MYOF: variants seen among roughly 807,000 people sequenced by gnomAD.
The protein encoded by MYOF is myoferlin, also known as fer-1-like 3, myoferlin.
MYOF carries 244 observed loss-of-function variants against 284.2 expected under a neutral mutation model. That is an observed-to-expected ratio of 0.86 (90% CI 0.77 to 0.95). The LOEUF is 0.95. MYOF is among the 40% of genes least tolerant of loss of function. MYOF has a pLI of 0.00. For missense variants in MYOF, 2,496 were observed against 2,560.6 expected, an observed-to-expected ratio of 0.97 and a Z score of 0.54; for synonymous variants, 904 against 919.7, an observed-to-expected ratio of 0.98 and a Z score of 0.31.
chr10:93,387,827 G>A lies in MYOF; in HGVS notation c.1668C>T (p.Pro556=). 1 of 1,614,008 alleles carries A rather than the reference G, an allele frequency of 6.2e-7. No individual in the cohort carries two copies. Among genetic ancestry groups the A allele is most frequent in the Non-Finnish European group, 8.5e-7 (1 of 1,179,972 alleles). The change falls in exon 19 of 54, where the codon CCC becomes CCT. Residue 556 remains proline (P), a synonymous_variant. Transcript: ENST00000359263. ...CAACCAGCAGGTCATCATTTGAAAT[G>A]GGCTCAAGCTTTTTATCTGGTGGTG... ...EKTPPDKKLE[P]ISNDDLLVVE...
chr10:93,432,218 T>C (rs1191890696), intron 3 of MYOF, among the ~76,000 whole-genome samples: 2 of 151,832 alleles, frequency 1.3e-5, no homozygotes, highest in East Asian at 3.9e-4. Context: ...TGAGACCCCA[T>C]CTCTACAAAA....
At chr10:93,308,864 A>AC (rs1443539529) in intron 53 of MYOF, among the ~76,000 whole-genome samples, 2 of 152,012 alleles carry the variant, frequency 1.3e-5, no homozygotes, top group Non-Finnish European at 2.9e-5. Context: ...GGCATGTGCC[A>AC]CCACACCCAA....
chr10:93,469,896 A>G (rs1393087411), intron 1 of MYOF, among the ~76,000 whole-genome samples: 1 of 152,132 alleles, frequency 6.6e-6, no homozygotes, highest in African/African-American at 2.4e-5. Context: ...TCAAGTGAGG[A>G]CTTCTTTCTT....
chr10:93,401,376 A>G (rs779201455), intron 12 of MYOF, 42 bp downstream of exon 12: 2 of 1,606,112 alleles, frequency 1.2e-6, no homozygotes, highest in Admixed American at 3.4e-5. Flanking sequence ...TTCATCACAC[A>G]CATAATCAAC....
chr10:93,413,227 C>T (rs1406846645), intron 5 of MYOF, among the ~76,000 whole-genome samples: 1 of 152,284 alleles, frequency 6.6e-6, no homozygotes, highest in East Asian at 1.9e-4. Context: ...TAACAAAGAA[C>T]GTCTTCTGCT....
At chr10:93,376,835 C>T (rs1845860375) in intron 22 of MYOF, among the ~76,000 whole-genome samples, 1 of 152,162 alleles carries the variant, frequency 6.6e-6, no homozygotes, top group Non-Finnish European at 1.5e-5. Flanking sequence ...GAGGCTTGGC[C>T]ACAGTGTTCA....
intron 40 of MYOF, among the ~76,000 whole-genome samples, chr10:93,336,845 AAAAG>A: frequency 6.7e-6 from 1 of 150,152 alleles, no homozygotes; most frequent in East Asian, 2.0e-4. Context: ...AGGCAGGAAG[AAAAG>A]AAGGAAGGAA....
chr10:93,430,033 C>T lies in MYOF; in HGVS notation c.345+1375G>A, dbSNP rs112644717. ...CACTGCAACCTCGGCCTCCTGGATT[C>T]GAGCGATTCTTCTGCCTCAGCCTCC... On this transcript the variant is annotated intron_variant, in intron 4 of 53. Coordinates refer to ENST00000359263, the MANE Select transcript of MYOF (RefSeq NM_013451.4). Among the ~76,000 whole-genome samples the T allele has an allele frequency of 5.3e-4, 80 of 151,272 alleles. 1 individual carries two copies. In the East Asian group the frequency reaches 0.014, roughly 26 times the overall value.
chr10:93,458,164 G>A (rs1304929812), intron 1 of MYOF, among the ~76,000 whole-genome samples: 1 of 151,590 alleles, frequency 6.6e-6, no homozygotes, highest in East Asian at 2.0e-4. Flanking sequence ...ACCAGCGTAG[G>A]CAACATAATG....
rs1025451457 is a variant in MYOF at position 93,377,194 on chromosome 10, C to A, written c.2108+129G>T. On this transcript the variant is annotated intron_variant, in intron 22 of 53. Coordinates refer to ENST00000359263, the MANE Select transcript of MYOF (RefSeq NM_013451.4). ...CACTCCTCCCAGTGAGGACTTTTTA[C>A]GAAGTTTGAATAATTCAAAATCACT... 11 of 695,696 alleles carry A rather than the reference C, an allele frequency of 1.6e-5. No individual in the cohort carries two copies. The East Asian group carries it at 2.5e-4, about 16-fold the overall frequency. The allele number at this position is 695,696 out of a possible 1,614,324, so 43.1% of individuals were successfully genotyped here. A position where few individuals can be genotyped will look rare whatever the true frequency, so the allele number is the denominator to read the frequency against.
At chr10:93,363,699 A>G (rs970943256) in intron 27 of MYOF, among the ~76,000 whole-genome samples, 8 of 152,212 alleles carry the variant, frequency 5.3e-5, no homozygotes, top group Non-Finnish European at 1.0e-4. Flanking sequence ...CCCTAATTAG[A>G]TAATAATAAA....
Position 93,375,450 on chromosome 10 carries a change from T to C in MYOF, c.2109-495A>G, listed in dbSNP as rs573091976. ...AAACTCTGGAACTTATAAAGAAAAC[T>C]GTGTCTATCTGTGTCAACACGTAGT... On this transcript the variant is annotated intron_variant, in intron 22 of 53. Transcript: ENST00000359263. Among the ~76,000 whole-genome samples the C allele has an allele frequency of 2.6e-5, 4 of 152,368 alleles. No homozygotes were observed. The East Asian group carries it at 5.8e-4, about 22-fold the overall frequency.
At chr10:93,397,136 T>C (rs1847055604) in intron 15 of MYOF, 111 bp downstream of exon 15, 2 of 877,210 alleles carry the variant, frequency 2.3e-6, no homozygotes, top group Admixed American at 3.3e-5. Context: ...CAATTTATCC[T>C]CTCCTCTGGA....
At chr10:93,462,366 G>A (rs1202896555) in intron 1 of MYOF, among the ~76,000 whole-genome samples, 1 of 152,096 alleles carries the variant, frequency 6.6e-6, no homozygotes, top group African/African-American at 2.4e-5. Flanking sequence ...CACCGTGCCC[G>A]GCCTGCTAAG....
intron 1 of MYOF, among the ~76,000 whole-genome samples, chr10:93,465,794 C>A (rs142265404): frequency 6.6e-6 from 1 of 152,168 alleles, no homozygotes; most frequent in East Asian, 1.9e-4. Flanking sequence ...GGATTACAGG[C>A]GTGAGCCACC....
chr10:93,316,246 T>C (rs1158238157), intron 50 of MYOF, among the ~76,000 whole-genome samples: 5 of 151,366 alleles, frequency 3.3e-5, no homozygotes, highest in Admixed American at 1.3e-4. Flanking sequence ...GGGAGGAGTG[T>C]GCCAGGAGAG....
intron 1 of MYOF, among the ~76,000 whole-genome samples, chr10:93,467,702 T>C (rs1338553547): frequency 6.6e-6 from 1 of 152,176 alleles, no homozygotes; most frequent in Non-Finnish European, 1.5e-5. Flanking sequence ...CTATTCACAA[T>C]GGCAAAGACT....
In MYOF at chr10:93,323,466, C is replaced by T. The variant is rs1003446331; in HGVS notation, c.5272-108G>A. The T allele has an allele frequency of 9.2e-5, 88 of 954,392 alleles. No homozygotes were observed. In the African/African-American group the frequency reaches 1.3e-3, roughly 14 times the overall value. 59.1% of individuals were successfully genotyped at this position (954,392 alleles called of 1,614,324 possible). The stretch of plus-strand genomic sequence containing the variant: ...GAAACTATTTCTTTCTTTGGTCTCT[C>T]TAATTTATTAGTCCACATGGAAGGC... On this transcript the variant is annotated intron_variant, in intron 46 of 53. Coordinates refer to ENST00000359263, the MANE Select transcript of MYOF (RefSeq NM_013451.4).
intron 9 of MYOF, among the ~76,000 whole-genome samples, chr10:93,403,541 G>C (rs375721407): frequency 6.6e-6 from 1 of 152,208 alleles, no homozygotes; most frequent in East Asian, 1.9e-4. Context: ...TGGAGAGGCA[G>C]CCTATTCCAT....
Sources: allele counts gnomAD v4.1 joint callset (sites outside exome capture counted in the v4.1 genomes callset), GRCh38; gene constraint gnomAD v4.1.1; transcripts MANE v1.5; gene names NCBI Gene and HGNC (gene_info 2026-07-23, HGNC 2026-07-21).